The following SHANK2 variants were observed in gnomAD, a reference collection of about 807,000 sequenced individuals.
SHANK2 encodes SH3 and multiple ankyrin repeat domains protein 2.
In SHANK2, 43 loss-of-function variants were observed where a neutral mutation model predicts 133.7. The observed-to-expected ratio is 0.32, with a 90% CI of 0.25 to 0.41. The LOEUF (loss-of-function observed/expected upper bound fraction) is 0.41, where lower values mean the gene tolerates loss of function less well. Ranked by LOEUF, SHANK2 falls within the 10% of genes least tolerant of loss-of-function variation. The probability of loss-of-function intolerance (pLI) is 1.00; values close to 1 mark genes in which losing one functional copy is unlikely to be tolerated. For synonymous variants in SHANK2, 1,017 were observed against 952.8 expected (o/e 1.07, Z -1.24); for missense variants, 1,994 against 2,235.8 (o/e 0.89, Z 2.18).
At chr11:70,891,726 T>A (rs1949848772) in intron 11 of SHANK2, among the ~76,000 whole-genome samples, 1 of 151,898 alleles carries the variant, frequency 6.6e-6, no homozygotes, top group Non-Finnish European at 1.5e-5. Context: ...TCGGTCTCCA[T>A]CCCCCAGGGT....
At chr11:70,518,560 CCTCTTTTATCCCTTTG>C (rs2059293375) in intron 17 of SHANK2, among the ~76,000 whole-genome samples, 1 of 152,332 alleles carries the variant, frequency 6.6e-6, no homozygotes, top group East Asian at 1.9e-4. Flanking sequence ...TTTCCCCATT[CCTCTTTTATCCCTTTG>C]CAGTTCATTT....
chr11:70,896,200 A>G (rs190843044), intron 11 of SHANK2, among the ~76,000 whole-genome samples: 1 of 152,230 alleles, frequency 6.6e-6, no homozygotes, highest in East Asian at 1.9e-4. Flanking sequence ...TTACTAAATC[A>G]ATGATGTTCA....
At chr11:70,899,258 A>T (rs1324739868) in intron 10 of SHANK2, among the ~76,000 whole-genome samples, 1 of 152,078 alleles carries the variant, frequency 6.6e-6, no homozygotes, top group African/African-American at 2.4e-5. Context: ...TGTTCTCGTG[A>T]TAGTGAGTGA....
chr11:70,597,776 G>C (rs1174799279), intron 17 of SHANK2, among the ~76,000 whole-genome samples: 1 of 152,198 alleles, frequency 6.6e-6, no homozygotes, highest in Non-Finnish European at 1.5e-5. Context: ...GGGAGGCTGA[G>C]GCAGGAAAAT....
chr11:70,475,359 C>T (rs1293693994), intron 25 of SHANK2, among the ~76,000 whole-genome samples: 1 of 152,190 alleles, frequency 6.6e-6, no homozygotes, highest in East Asian at 1.9e-4. Flanking sequence ...CCTTGGTTTT[C>T]ATTCCAGGGT....
At chr11:71,064,339 T>A (rs1340131927) in intron 9 of SHANK2, among the ~76,000 whole-genome samples, 1 of 152,012 alleles carries the variant, frequency 6.6e-6, no homozygotes, top group African/African-American at 2.4e-5. Context: ...AGAGAGAGCC[T>A]GGGGACAGCT....
chr11:70,576,123 G>C (rs1435190024), intron 17 of SHANK2, among the ~76,000 whole-genome samples: 1 of 152,100 alleles, frequency 6.6e-6, no homozygotes, highest in African/African-American at 2.4e-5. Context: ...TGAGCACCAG[G>C]CCATTTGTGT....
chr11:70,664,342 CTG>C (rs1555014303), intron 15 of SHANK2, among the ~76,000 whole-genome samples: 1 of 152,228 alleles, frequency 6.6e-6, no homozygotes. Flanking sequence ...TGTGACCAGC[CTG>C]TGTGTCTCCT....
intron 11 of SHANK2, among the ~76,000 whole-genome samples, chr11:70,843,243 T>A (rs1948938472): frequency 2.2e-5 from 1 of 45,024 alleles, no homozygotes; most frequent in South Asian, 8.0e-4. Flanking sequence ...TGGGGTGGGC[T>A]GGGCTCCTAT....
At chr11:70,597,594 C>T (rs544615568) in intron 17 of SHANK2, among the ~76,000 whole-genome samples, 16 of 152,172 alleles carry the variant, frequency 1.1e-4, no homozygotes, top group African/African-American at 2.9e-4. Flanking sequence ...AGTGATGGGC[C>T]GGGTGCAGTG....
rs1475343476 is a variant in SHANK2, at chr11:70,738,474, C to T, written c.1778-39711G>A. 2.6e-5 allele frequency among the ~76,000 whole-genome samples: 4 copies of T among 152,196 alleles called. No homozygotes were observed. In the East Asian group the frequency reaches 5.8e-4, roughly 22 times the overall value. ...TGGCTGAGGCTGCACAGGAAGAGGCCGCCATCACTGCCCCTCGTGTGCGGG... is the reference window on the plus strand; with the variant it reads ...TGGCTGAGGCTGCACAGGAAGAGGCTGCCATCACTGCCCCTCGTGTGCGGG... On this transcript the variant is annotated intron_variant, in intron 14 of 25. Transcript: ENST00000601538.
rs1555070459 is a variant in SHANK2, at chr11:70,872,908, G to T, written c.1174+23593C>A. 1.2e-4 allele frequency: 52 copies of T among 435,750 alleles called. 1 individual carries two copies. Among genetic ancestry groups the T allele is most frequent in the South Asian group, 8.5e-4 (51 of 59,900 alleles). The allele number at this position is 435,750 out of a possible 1,614,324, so 27.0% of individuals were successfully genotyped here. On this transcript the variant is annotated intron_variant, in intron 11 of 25. Coordinates refer to ENST00000601538, the MANE Select transcript of SHANK2 (RefSeq NM_012309.5). ...GCCCTGTAGAGCCCAGCTCCTCGGG[G>T]CAGGAGGAGCACATATCCACTGTCT... is the stretch of plus-strand genomic sequence containing the variant.
chr11:70,943,116 G>A (rs1247711625), intron 10 of SHANK2: 1 of 456,226 alleles, frequency 2.2e-6, no homozygotes, highest in African/African-American at 2.0e-5. Flanking sequence ...ACCTGGCAAA[G>A]GTGGTGGCGA....
At chr11:70,693,142 AC>A (rs756910921) in intron 15 of SHANK2, among the ~76,000 whole-genome samples, 24 of 152,052 alleles carry the variant, frequency 1.6e-4, no homozygotes, top group Non-Finnish European at 3.4e-4. Flanking sequence ...ACCAGCCCCA[AC>A]CACCATTGTT....
intron 6 of SHANK2, among the ~76,000 whole-genome samples, chr11:71,098,001 T>C (rs1288249309): frequency 6.6e-6 from 1 of 151,400 alleles, no homozygotes; most frequent in Admixed American, 6.6e-5. Flanking sequence ...TGCATGCCTG[T>C]GTGTGCATGT....
At position 70,492,303 on chromosome 11, in the gene SHANK2, C is replaced by T. The variant is rs542217871; in HGVS notation, c.2439+32G>A. 2.7e-5 allele frequency: 43 copies of T among 1,605,454 alleles called. No individual in the cohort carries two copies. The Admixed American group carries it at 4.5e-4, about 17-fold the overall frequency. On this transcript the variant is annotated intron_variant, in intron 22 of 25. Coordinates refer to ENST00000601538, the MANE Select transcript of SHANK2 (RefSeq NM_012309.5). ...CCACTTCCTGGGCACCGTCGGCCCC[C>T]GCCCTCGTGGTCCCAAGGTACGGCC...
intron 17 of SHANK2, among the ~76,000 whole-genome samples, chr11:70,542,179 C>T (rs1403968345): frequency 6.6e-6 from 1 of 152,230 alleles, no homozygotes; most frequent in Non-Finnish European, 1.5e-5. Flanking sequence ...ACCCCTGGCA[C>T]CTGCCAATGT....
intron 11 of SHANK2, among the ~76,000 whole-genome samples, chr11:70,837,116 G>A (rs782770873): frequency 6.6e-6 from 1 of 152,178 alleles, no homozygotes. Flanking sequence ...TCAGAACTTC[G>A]AGAAAAATGT....
At chr11:70,573,451 T>A (rs2060074844) in intron 17 of SHANK2, among the ~76,000 whole-genome samples, 1 of 148,160 alleles carries the variant, frequency 6.7e-6, no homozygotes, top group Admixed American at 7.0e-5. Context: ...TGAACTTGAC[T>A]GGACATTGAT....
Sources: gnomAD v4.1 joint callset for allele counts (sites outside exome capture counted in the v4.1 genomes callset) on GRCh38, gnomAD v4.1.1 for gene constraint, MANE v1.5 for transcripts, NCBI Gene and HGNC (gene_info 2026-07-23, HGNC 2026-07-21) for gene names.